Variants in NUP62CL observed in about 807,000 individuals in gnomAD.
NUP62CL encodes the protein nucleoporin-62 C-terminal-like protein.
A neutral mutation model predicts 15.3 loss-of-function variants in NUP62CL; 13 were observed. That is an observed-to-expected ratio of 0.85 (90% CI 0.55 to 1.35). The LOEUF (loss-of-function observed/expected upper bound fraction) is 1.35, where lower values mean the gene tolerates loss of function less well. Among genes scored for constraint, NUP62CL ranks in the 40% most tolerant of loss-of-function variants. NUP62CL has a pLI of 0.00. For missense variants in NUP62CL, 123 were observed against 130.6 expected (o/e 0.94, Z 0.28); for synonymous variants, 54 against 49.2 (o/e 1.10, Z -0.41).
intron 2 of NUP62CL, among the ~76,000 whole-genome samples, chrX:107,190,427 A>G (rs186470320): frequency 8.9e-6 from 1 of 112,350 alleles, no homozygotes; most frequent in African/African-American, 3.2e-5. Flanking sequence ...ATTTCAGGGT[A>G]ACTCTGATTA....
At chrX:107,187,700 G>C (rs1602663048) in intron 2 of NUP62CL, among the ~76,000 whole-genome samples, 1 of 112,816 alleles carries the variant, frequency 8.9e-6, no homozygotes, top group Non-Finnish European at 1.9e-5. Context: ...ACCCAGCCAA[G>C]AGCTGATTTT....
chrX:107,133,974 T>A (rs1925580205), intron 8 of NUP62CL, among the ~76,000 whole-genome samples: 1 of 112,088 alleles, frequency 8.9e-6, no homozygotes, highest in Non-Finnish European at 1.9e-5. Flanking sequence ...TAATTCCATC[T>A]GCAAAGTCTC....
intron 2 of NUP62CL, among the ~76,000 whole-genome samples, chrX:107,182,013 C>T (rs750299006): frequency 4.6e-4 from 51 of 111,720 alleles, no homozygotes; most frequent in Middle Eastern, 4.6e-3. Context: ...TTGATTTATG[C>T]CCGTATTTAA....
chrX:107,179,772 T>C (rs975338023), intron 2 of NUP62CL, among the ~76,000 whole-genome samples: 5 of 112,216 alleles, frequency 4.5e-5, no homozygotes, highest in African/African-American at 1.6e-4. Flanking sequence ...GTGGTTCTAT[T>C]TTTAATTCTC....
chrX:107,201,731 C>T (rs975012761), intron 1 of NUP62CL, among the ~76,000 whole-genome samples: 3 of 108,724 alleles, frequency 2.8e-5, no homozygotes, highest in African/African-American at 1.0e-4. Context: ...AGTTCAAGAA[C>T]GGCCTGAGCA....
At chrX:107,184,296 G>GAAGAAAGA (rs55729158) in intron 2 of NUP62CL, among the ~76,000 whole-genome samples, 49 of 65,060 alleles carry the variant, frequency 7.5e-4, no homozygotes, top group Admixed American at 9.8e-4. Flanking sequence ...CAAAAAAAGA[G>GAAGAAAGA]AAGAAAGAAA....
At chrX:107,125,536 T>C (rs1416200470) in intron 8 of NUP62CL, among the ~76,000 whole-genome samples, 5 of 111,707 alleles carry the variant, frequency 4.5e-5, no homozygotes, top group Admixed American at 1.9e-4. Context: ...TATAAAGACA[T>C]TCTGCAAGAT....
chrX:107,150,005 AC>A (rs1261031639), intron 7 of NUP62CL, among the ~76,000 whole-genome samples: 1 of 112,401 alleles, frequency 8.9e-6, no homozygotes. Flanking sequence ...CTGTAATTCC[AC>A]TGATATAATA....
chrX:107,175,181 G>A lies in NUP62CL; in HGVS notation c.-35C>T. On this transcript the variant is annotated 5_prime_UTR_variant, in exon 3 of 9. Transcript: ENST00000372466. ...ACTAGTGGTGGTGGCAACAGCAGCT[G>A]CTGGAGCCAAACCTAAAAATCAAAG... 9.5e-7 allele frequency: 1 copy of A among 1,057,558 alleles called. No homozygotes were observed. The highest frequency in any genetic ancestry group is 1.3e-6 in the Non-Finnish European group (1 of 775,414). 87.2% of individuals were successfully genotyped at this position (1,057,558 alleles called of 1,213,427 possible).
intron 2 of NUP62CL, among the ~76,000 whole-genome samples, chrX:107,180,913 C>CTTTTTTTTT (rs35001668): frequency 1.2e-5 from 1 of 85,162 alleles, no homozygotes; most frequent in African/African-American, 4.5e-5. Flanking sequence ...TATGGTTTCG[C>CTTTTTTTTT]TTTTTTTTTT....
intron 8 of NUP62CL, among the ~76,000 whole-genome samples, chrX:107,144,660 G>A (rs757253133): frequency 1.8e-3 from 197 of 111,704 alleles, no homozygotes; most frequent in African/African-American, 6.1e-3. Flanking sequence ...ACTAAGTCAA[G>A]CATTGTTTAA....
chrX:107,180,494 G>C (rs1011627861), intron 2 of NUP62CL, among the ~76,000 whole-genome samples: 6 of 111,879 alleles, frequency 5.4e-5, no homozygotes, highest in African/African-American at 1.9e-4. Context: ...ACATACTGAA[G>C]TTCTCTATGT....
At chrX:107,139,595 G>A (rs915221825) in intron 8 of NUP62CL, among the ~76,000 whole-genome samples, 2 of 112,174 alleles carry the variant, frequency 1.8e-5, no homozygotes, top group Non-Finnish European at 3.8e-5. Flanking sequence ...TTAGGCAACA[G>A]TTTTACCAAA....
chrX:107,134,610 T>C (rs1451513986), intron 8 of NUP62CL, among the ~76,000 whole-genome samples: 1 of 110,822 alleles, frequency 9.0e-6, no homozygotes, highest in Non-Finnish European at 1.9e-5. Context: ...TGTGCGACCA[T>C]GCCCAGCTTA....
intron 1 of NUP62CL, among the ~76,000 whole-genome samples, chrX:107,200,793 G>C (rs770401934): frequency 2.7e-5 from 3 of 109,296 alleles, no homozygotes; most frequent in South Asian, 8.0e-4. Context: ...GTGAGGAGAG[G>C]AGAGAGAGTA....
intron 7 of NUP62CL, chrX:107,151,013 C>A: frequency 3.0e-6 from 1 of 336,137 alleles, no homozygotes; most frequent in Non-Finnish European, 6.0e-6. Flanking sequence ...AGTGTTTTCT[C>A]CACTACCTAT....
At chrX:107,147,686 G>A (rs2063486381) in intron 8 of NUP62CL, 57 bp downstream of exon 8, 2 of 712,755 alleles carry the variant, frequency 2.8e-6, no homozygotes, top group Non-Finnish European at 2.3e-6. Flanking sequence ...CAACTGACAT[G>A]TATCACGTTT....
rs1207078126 is a variant in NUP62CL, at chrX:107,124,301, T to C, written c.*74A>G. On this transcript the variant is annotated 3_prime_UTR_variant, in exon 9 of 9. Transcript: ENST00000372466. ...CGTGACGATAATCCTCGAAAACCCGTGTTACCACTTCTACCTTCCTTCGCA... is the reference window on the plus strand; with the variant it reads ...CGTGACGATAATCCTCGAAAACCCGCGTTACCACTTCTACCTTCCTTCGCA... 1 of 340,184 alleles carries C rather than the reference T, an allele frequency of 2.9e-6. No individual in the cohort carries two copies. Among genetic ancestry groups the C allele is most frequent in the African/African-American group, 2.7e-5 (1 of 37,697 alleles). The allele number at this position is 340,184 out of a possible 1,213,427, so 28.0% of individuals were successfully genotyped here.
chrX:107,130,941 A>T (rs1925498843), intron 8 of NUP62CL, among the ~76,000 whole-genome samples: 2 of 111,473 alleles, frequency 1.8e-5, no homozygotes, highest in Admixed American at 9.6e-5. Flanking sequence ...GTGTGTGTAT[A>T]TATGTATATA....
Sources: gnomAD v4.1 joint callset for allele counts (sites outside exome capture counted in the v4.1 genomes callset) on GRCh38, gnomAD v4.1.1 for gene constraint, MANE v1.5 for transcripts, NCBI Gene and HGNC (gene_info 2026-07-23, HGNC 2026-07-21) for gene names.